POU2AF1: variants seen among roughly 807,000 people sequenced by gnomAD.
The protein encoded by POU2AF1 is POU class 2 homeobox associating factor 1.
Under a neutral mutation model 26.3 loss-of-function variants are expected in POU2AF1, and 12 were observed. The observed-to-expected ratio is 0.46, with a 90% confidence interval of 0.29 to 0.74. POU2AF1 has a LOEUF of 0.74. Among genes scored for constraint, POU2AF1 ranks in the 30% least tolerant of loss-of-function variants. POU2AF1 has a pLI of 0.09. For synonymous variants in POU2AF1, 175 were observed against 148.0 expected (o/e 1.18, Z -1.32); for missense variants, 297 against 334.5 (o/e 0.89, Z 0.87).
intron 2 of POU2AF1, among the ~76,000 whole-genome samples, 200 bp from the exon 3 acceptor site, chr11:111,358,037 T>G (rs1459072455): frequency 6.6e-6 from 1 of 152,120 alleles, no homozygotes; most frequent in African/African-American, 2.4e-5. Context: ...AGGAAGTCTG[T>G]GCGCTCAGGG....
chr11:111,363,815 A>C (rs1861055069), intron 1 of POU2AF1: 4 of 985,208 alleles, frequency 4.1e-6, no homozygotes, highest in Non-Finnish European at 4.8e-6. Flanking sequence ...TCACCCTCAA[A>C]GCCTGAAGCT....
intron 1 of POU2AF1, among the ~76,000 whole-genome samples, chr11:111,378,403 C>A (rs1361362067): frequency 6.6e-6 from 1 of 152,090 alleles, no homozygotes; most frequent in Non-Finnish European, 1.5e-5. Context: ...CTGTTTACCT[C>A]GTGAAAAGAA....
In POU2AF1 at chr11:111,379,143, C is replaced by T; in HGVS notation, c.16+19G>A. 1 of 1,614,068 alleles carries T rather than the reference C, an allele frequency of 6.2e-7. No individual in the cohort carries two copies. The highest frequency in any genetic ancestry group is 8.5e-7 in the Non-Finnish European group (1 of 1,179,988). On this transcript the variant is annotated intron_variant, in intron 1 of 4. Transcript: ENST00000393067. ...GCTGGCACTCGCTTGGGTCTGACAG[C>T]CACAGCCAAACCACTTACGTTTTTG... is the stretch of plus-strand genomic sequence containing the variant.
At chr11:111,360,888 G>A (rs1860993776) in intron 1 of POU2AF1, among the ~76,000 whole-genome samples, 1 of 149,654 alleles carries the variant, frequency 6.7e-6, no homozygotes. Context: ...AGGTTGCAGT[G>A]AGCTGAGATC....
intron 1 of POU2AF1, among the ~76,000 whole-genome samples, chr11:111,368,608 C>T (rs962016012): frequency 8.5e-5 from 13 of 152,162 alleles, no homozygotes; most frequent in Non-Finnish European, 1.6e-4. Flanking sequence ...TCCATCTAAG[C>T]GAGGGCCCTC....
intron 1 of POU2AF1, chr11:111,363,411 GC>G: frequency 9.8e-7 from 1 of 1,015,998 alleles, no homozygotes; most frequent in Non-Finnish European, 1.2e-6. Context: ...GTTGAAACTT[GC>G]AGTTGGTACC....
rs775391731 is a variant in POU2AF1 at position 111,352,580 on chromosome 11, GGA to G, written c.*1679_*1680del. On this transcript the variant is annotated 3_prime_UTR_variant, in exon 5 of 5. Transcript: ENST00000393067. The stretch of plus-strand genomic sequence containing the variant: ...TCCCCAGGAGGGAGGGTGTTTGCGT[GGA>G]GGGGGCCTTGGTTCCACAGAATGGT... 5.0e-5 allele frequency: 9 copies of G among 180,324 alleles called. No individual in the cohort carries two copies. The highest frequency in any genetic ancestry group is 1.1e-4 in the Non-Finnish European group (9 of 84,288). The allele number at this position is 180,324 out of a possible 1,614,324, so 11.2% of individuals were successfully genotyped here. A position where few individuals can be genotyped will look rare whatever the true frequency, so the allele number is the denominator to read the frequency against.
intron 2 of POU2AF1, among the ~76,000 whole-genome samples, 191 bp downstream of exon 2, chr11:111,358,597 T>TCAC (rs1860930444): frequency 1.3e-5 from 1 of 78,932 alleles, no homozygotes; most frequent in Non-Finnish European, 3.2e-5. Context: ...CACACACACA[T>TCAC]ACACTCTCAC....
Position 111,372,120 on chromosome 11 carries a change from T to TAGAAAGTTC in POU2AF1, c.16+7033_16+7041dup, listed in dbSNP as rs553686196. On this transcript the variant is annotated intron_variant, in intron 1 of 4. Coordinates refer to ENST00000393067, the MANE Select transcript of POU2AF1 (RefSeq NM_006235.3). Reference sequence around the variant, plus strand: ...GGAGCAGCCTGACTTTTCCAAAGTCTAGAAAGTTCAGAATCAAGGAAGTGC... The same window carrying TAGAAAGTTC: ...GGAGCAGCCTGACTTTTCCAAAGTCTAGAAAGTTCAGAAAGTTCAGAATCAAGGAAGTGC... Among the ~76,000 whole-genome samples the TAGAAAGTTC allele has an allele frequency of 2.0e-5, 3 of 151,060 alleles. No homozygotes were observed. In the South Asian group the frequency reaches 6.3e-4, roughly 32 times the overall value.
At chr11:111,355,842 C>G (rs1860834701) in intron 4 of POU2AF1, among the ~76,000 whole-genome samples, 1 of 152,204 alleles carries the variant, frequency 6.6e-6, no homozygotes, top group Non-Finnish European at 1.5e-5. Context: ...TCTCCTTTGA[C>G]TTAAGCCAGT....
Position 111,353,910 on chromosome 11 carries a change from A to G in POU2AF1, c.*351T>C, listed in dbSNP as rs527997389. ...GAAGAAGCGAGGGAGGGAGGGAGGT[A>G]AAGAAGGAAAGGGAGAAGGGAAGGA... On this transcript the variant is annotated 3_prime_UTR_variant, in exon 5 of 5. Coordinates refer to ENST00000393067, the MANE Select transcript of POU2AF1 (RefSeq NM_006235.3). The G allele has an allele frequency of 2.4e-5, 7 of 289,748 alleles. No individual in the cohort carries two copies. Among genetic ancestry groups the G allele is most frequent in the African/African-American group, 1.6e-4 (7 of 44,654 alleles). 17.9% of individuals were successfully genotyped at this position (289,748 alleles called of 1,614,324 possible). A position where few individuals can be genotyped will look rare whatever the true frequency, so the allele number is the denominator to read the frequency against.
At chr11:111,355,374 G>T (rs1860823174) in intron 4 of POU2AF1, among the ~76,000 whole-genome samples, 1 of 152,206 alleles carries the variant, frequency 6.6e-6, no homozygotes, top group African/African-American at 2.4e-5. Context: ...ACAAACCTCA[G>T]ATCAGGCCTG....
chr11:111,375,641 T>C (rs1399324879), intron 1 of POU2AF1, among the ~76,000 whole-genome samples: 2 of 152,070 alleles, frequency 1.3e-5, no homozygotes, highest in African/African-American at 2.4e-5. Context: ...CCTCGTGATC[T>C]GCCCGCCTTG....
At chr11:111,376,345 C>T (rs145022663) in intron 1 of POU2AF1, among the ~76,000 whole-genome samples, 1 of 152,184 alleles carries the variant, frequency 6.6e-6, no homozygotes, top group South Asian at 2.1e-4. Flanking sequence ...TTCCACTACA[C>T]TGTTACTAGC....
At chr11:111,358,328 T>TCC (rs1555074267) in intron 2 of POU2AF1, among the ~76,000 whole-genome samples, 4 of 119,902 alleles carry the variant, frequency 3.3e-5, no homozygotes, top group African/African-American at 9.1e-5. Flanking sequence ...ACGTACTCTC[T>TCC]CACACACTCT....
intron 1 of POU2AF1, among the ~76,000 whole-genome samples, chr11:111,372,067 C>CAGAG (rs1192520089): frequency 4.2e-5 from 6 of 144,428 alleles, no homozygotes; most frequent in African/African-American, 1.6e-4. Flanking sequence ...CACACACACA[C>CAGAG]ACAGAGAGAG....
intron 1 of POU2AF1, among the ~76,000 whole-genome samples, chr11:111,370,361 G>A (rs993393829): frequency 1.4e-4 from 21 of 152,150 alleles, no homozygotes; most frequent in Admixed American, 7.2e-4. Flanking sequence ...CACAAAGACC[G>A]AACACATAGT....
At chr11:111,367,083 C>T (rs754756537) in intron 1 of POU2AF1, among the ~76,000 whole-genome samples, 4 of 152,140 alleles carry the variant, frequency 2.6e-5, no homozygotes, top group Non-Finnish European at 4.4e-5. Flanking sequence ...GCCTTGAGTG[C>T]GAGAGGTTTC....
rs779929713 is a variant in POU2AF1, at chr11:111,354,285, G to A, written c.747C>T (p.His249=). ...CCTAAAAGCCTTCCACAGAGAGAGT[G>A]TGGTTAAGCGCATAGGCGTCGCTAT... The part of the protein sequence containing the change: ...EEDSDAYALN[H]TLSVEGF The change falls in exon 5 of 5, where the codon CAC becomes CAT. Residue 249 remains histidine (H), a synonymous_variant. Transcript: ENST00000393067. 1.8e-5 allele frequency: 29 copies of A among 1,614,106 alleles called. No individual in the cohort carries two copies. Among genetic ancestry groups the A allele is most frequent in the Non-Finnish European group, 2.3e-5 (27 of 1,180,044 alleles).
Sources: gnomAD v4.1 joint callset for allele counts (sites outside exome capture counted in the v4.1 genomes callset) on GRCh38, gnomAD v4.1.1 for gene constraint, MANE v1.5 for transcripts, NCBI Gene and HGNC (gene_info 2026-07-23, HGNC 2026-07-21) for gene names.